Variants in CTNNA2 observed in about 807,000 individuals in gnomAD.
CTNNA2 encodes catenin alpha-2.
A neutral mutation model predicts 101.0 loss-of-function variants in CTNNA2; 42 were observed. The observed-to-expected ratio is 0.42, with a 90% CI of 0.32 to 0.54. CTNNA2 has a LOEUF of 0.54. CTNNA2 is among the 20% of genes least tolerant of loss of function. The probability of loss-of-function intolerance (pLI) is 0.14; values close to 1 mark genes in which losing one functional copy is unlikely to be tolerated. For synonymous variants in CTNNA2, 450 were observed against 456.4 expected, an observed-to-expected ratio of 0.99 and a Z score of 0.18; for missense variants, 871 against 1,223.1, an observed-to-expected ratio of 0.71 and a Z score of 4.29.
At chr2:80,573,589 T>A (rs2149701655) in intron 12 of CTNNA2, among the ~76,000 whole-genome samples, 1 of 152,138 alleles carries the variant, frequency 6.6e-6, no homozygotes, top group South Asian at 2.1e-4. Flanking sequence ...GTGGGAAGGG[T>A]TGTATCATTT....
At chr2:80,606,126 T>A (rs1040926496) in intron 16 of CTNNA2, among the ~76,000 whole-genome samples, 1 of 151,792 alleles carries the variant, frequency 6.6e-6, no homozygotes, top group African/African-American at 2.4e-5. Context: ...GACCAGAAAT[T>A]GGCCATCCAC....
intron 7 of CTNNA2, among the ~76,000 whole-genome samples, chr2:80,324,767 T>C (rs1379409783): frequency 1.3e-5 from 2 of 151,652 alleles, no homozygotes; most frequent in Non-Finnish European, 2.9e-5. Flanking sequence ...TCTTATTGGT[T>C]TTATTCCAGA....
At chr2:79,736,093 A>T (rs1466381992) in intron 2 of CTNNA2, among the ~76,000 whole-genome samples, 2 of 152,120 alleles carry the variant, frequency 1.3e-5, no homozygotes, top group African/African-American at 4.8e-5. Context: ...TGAAAGTTTT[A>T]TCTTAGTTTT....
At chr2:80,645,000 T>C (rs1271377144) in intron 18 of CTNNA2, among the ~76,000 whole-genome samples, 5 of 152,160 alleles carry the variant, frequency 3.3e-5, no homozygotes, top group Non-Finnish European at 7.3e-5. Flanking sequence ...CCAAATTTAC[T>C]TGTAATCCCT....
At chr2:80,162,813 G>A (rs1704413969) in intron 7 of CTNNA2, 2 of 1,594,178 alleles carry the variant, frequency 1.3e-6, no homozygotes, top group African/African-American at 1.3e-5. Flanking sequence ...GTTCATCACT[G>A]CTTGTCTCTG....
chr2:79,922,996 G>A (rs1385764981), intron 7 of CTNNA2, among the ~76,000 whole-genome samples: 2 of 152,034 alleles, frequency 1.3e-5, no homozygotes, highest in African/African-American at 4.8e-5. Context: ...ATCCCTCAGA[G>A]TTAGTTAGAT....
chr2:80,436,692 T>C (rs1274879601), intron 9 of CTNNA2, among the ~76,000 whole-genome samples: 1 of 152,120 alleles, frequency 6.6e-6, no homozygotes, highest in Non-Finnish European at 1.5e-5. Flanking sequence ...TAGTGTCTGG[T>C]GAGGGCTTGC....
At chr2:79,778,604 TAC>T (rs1210640237) in intron 3 of CTNNA2, among the ~76,000 whole-genome samples, 6 of 152,164 alleles carry the variant, frequency 3.9e-5, no homozygotes, top group Admixed American at 2.6e-4. Context: ...CATACATATA[TAC>T]ACACATATAT....
intron 4 of CTNNA2, among the ~76,000 whole-genome samples, chr2:79,492,128 TATA>T (rs1162145680): frequency 2.0e-5 from 3 of 152,290 alleles, no homozygotes; most frequent in African/African-American, 7.2e-5. Flanking sequence ...TGTATGTACC[TATA>T]ATGTTTAATA....
At chr2:80,004,672 C>CATTTATTTATTT (rs59472149) in intron 7 of CTNNA2, among the ~76,000 whole-genome samples, 86 of 145,660 alleles carry the variant, frequency 5.9e-4, no homozygotes, top group South Asian at 3.2e-3. Flanking sequence ...TTTTATTTTA[C>CATTTATTTATTT]ATTTATTTAT....
In CTNNA2 at chr2:79,789,034, T is replaced by G. The variant is rs1156936306; in HGVS notation, c.298+44452T>G. Among the ~76,000 whole-genome samples the G allele has an allele frequency of 2.0e-5, 3 of 152,228 alleles. No homozygotes were observed. The East Asian group carries it at 5.8e-4, about 29-fold the overall frequency. ...AGTAATAGCTAATGTTTACTAAGTT[T>G]AAACCTTATGAGCTCAGCACTGCTT... On this transcript the variant is annotated intron_variant, in intron 3 of 18. Coordinates refer to ENST00000402739, the MANE Select transcript of CTNNA2 (RefSeq NM_001282597.3).
chr2:79,472,574 A>T (rs1216523139), intron 4 of CTNNA2, among the ~76,000 whole-genome samples: 1 of 152,184 alleles, frequency 6.6e-6, no homozygotes, highest in African/African-American at 2.4e-5. Context: ...TCTTCATTTC[A>T]TCCCATTTTT....
At chr2:79,406,049 A>G (rs550054058) in intron 4 of CTNNA2, among the ~76,000 whole-genome samples, 4 of 152,206 alleles carry the variant, frequency 2.6e-5, no homozygotes, top group African/African-American at 9.6e-5. Flanking sequence ...TTGAAGGAGA[A>G]AAGAGACCCA....
At chr2:79,213,401 T>C (rs1674202466) in intron 2 of CTNNA2, among the ~76,000 whole-genome samples, 1 of 152,160 alleles carries the variant, frequency 6.6e-6, no homozygotes, top group Admixed American at 6.5e-5. Context: ...GGAAGGCATA[T>C]TTAGAGTCAG....
At chr2:79,479,530 T>C (rs1480549944) in intron 4 of CTNNA2, among the ~76,000 whole-genome samples, 1 of 152,212 alleles carries the variant, frequency 6.6e-6, no homozygotes, top group African/African-American at 2.4e-5. Flanking sequence ...GAGCTCTCAG[T>C]GAGTTTCTCT....
intron 7 of CTNNA2, among the ~76,000 whole-genome samples, chr2:80,373,441 A>G (rs1458084444): frequency 1.3e-5 from 2 of 152,200 alleles, no homozygotes; most frequent in Non-Finnish European, 2.9e-5. Context: ...ATAGTTACCT[A>G]AAATACTTCA....
chr2:79,587,752 G>A (rs1676589281), intron 1 of CTNNA2, among the ~76,000 whole-genome samples: 1 of 152,124 alleles, frequency 6.6e-6, no homozygotes, highest in African/African-American at 2.4e-5. Flanking sequence ...TTTTTGTAAG[G>A]GCAGTTCCTC....
intron 2 of CTNNA2, among the ~76,000 whole-genome samples, chr2:79,243,054 G>C (rs113389217): frequency 7.2e-6 from 1 of 138,100 alleles, no homozygotes; most frequent in Non-Finnish European, 1.6e-5. Context: ...TAAAACAGAC[G>C]CAAAGAAATA....
chr2:79,333,682 G>T (rs1209042225), intron 3 of CTNNA2, among the ~76,000 whole-genome samples: 1 of 151,884 alleles, frequency 6.6e-6, no homozygotes, highest in East Asian at 1.9e-4. Flanking sequence ...TCAAAATGAA[G>T]AACTCAAATA....
Sources: gnomAD v4.1 joint callset for allele counts (sites outside exome capture counted in the v4.1 genomes callset) on GRCh38, gnomAD v4.1.1 for gene constraint, MANE v1.5 for transcripts, NCBI Gene and HGNC (gene_info 2026-07-23, HGNC 2026-07-21) for gene names.